NRXN1: variants seen among roughly 807,000 people sequenced by gnomAD.
The protein encoded by NRXN1 is neurexin-1.
NRXN1 carries 39 observed loss-of-function variants against 150.9 expected under a neutral mutation model. The ratio of observed to expected loss-of-function variants is 0.26; its 90% CI spans 0.20 to 0.34. The LOEUF (loss-of-function observed/expected upper bound fraction) is 0.34, where lower values mean the gene tolerates loss of function less well. Among genes scored for constraint, NRXN1 ranks in the 10% least tolerant of loss-of-function variants. The pLI, the probability that NRXN1 is intolerant of heterozygous loss-of-function variation, is 1.00. For synonymous variants in NRXN1, 924 were observed against 757.0 expected (o/e 1.22, Z -3.62); for missense variants, 1,815 against 1,949.9 (o/e 0.93, Z 1.30).
At chr2:50,217,290 T>C (rs1428329927) in intron 18 of NRXN1, among the ~76,000 whole-genome samples, 3 of 152,088 alleles carry the variant, frequency 2.0e-5, no homozygotes, top group Non-Finnish European at 4.4e-5. Flanking sequence ...AGACTTATTC[T>C]CAATCACATC....
chr2:50,143,411 G>A (rs1707548566), intron 18 of NRXN1, among the ~76,000 whole-genome samples: 1 of 151,934 alleles, frequency 6.6e-6, no homozygotes, highest in Non-Finnish European at 1.5e-5. Context: ...AATGGATCAT[G>A]CTATCGAGGG....
intron 5 of NRXN1, among the ~76,000 whole-genome samples, chr2:50,637,775 T>C: frequency 6.6e-6 from 1 of 152,120 alleles, no homozygotes; most frequent in East Asian, 1.9e-4. Flanking sequence ...GGGGACAAGA[T>C]TATAAAGCAG....
intron 19 of NRXN1, among the ~76,000 whole-genome samples, chr2:50,064,833 A>G (rs1573697097): frequency 6.6e-6 from 1 of 152,304 alleles, no homozygotes. Context: ...AAAGTCAGGT[A>G]GTAGAAGTTA....
chr2:50,008,989 C>A (rs867415430), intron 21 of NRXN1, among the ~76,000 whole-genome samples: 1 of 152,188 alleles, frequency 6.6e-6, no homozygotes, highest in East Asian at 1.9e-4. Flanking sequence ...TTCAAGGTAA[C>A]AAATCCTGAG....
At chr2:50,660,672 T>C (rs1687166370) in intron 5 of NRXN1, among the ~76,000 whole-genome samples, 1 of 152,032 alleles carries the variant, frequency 6.6e-6, no homozygotes, top group South Asian at 2.1e-4. Context: ...TTTACAGCAA[T>C]GTGAATGTCT....
At chr2:50,598,593 T>A (rs1280589485) in intron 8 of NRXN1, among the ~76,000 whole-genome samples, 2 of 148,630 alleles carry the variant, frequency 1.3e-5, no homozygotes, top group Admixed American at 6.8e-5. Context: ...TATATGTATA[T>A]ATGCGCGTGT....
At chr2:50,825,908 T>C (rs1670384894) in intron 5 of NRXN1, among the ~76,000 whole-genome samples, 1 of 152,226 alleles carries the variant, frequency 6.6e-6, no homozygotes, top group African/African-American at 2.4e-5. Context: ...AACTGCTGGC[T>C]TGATGTTTGG....
At chr2:50,666,787 G>A (rs1392770049) in intron 5 of NRXN1, among the ~76,000 whole-genome samples, 1 of 151,484 alleles carries the variant, frequency 6.6e-6, no homozygotes, top group East Asian at 1.9e-4. Context: ...CAGTATTCTG[G>A]GTCAAACCAG....
chr2:50,113,248 C>G (rs1702608612), intron 18 of NRXN1, among the ~76,000 whole-genome samples: 1 of 152,146 alleles, frequency 6.6e-6, no homozygotes, highest in Non-Finnish European at 1.5e-5. Flanking sequence ...TTAATTTCTT[C>G]CTCTCCTGAT....
chr2:50,684,760 T>C (rs1690968520), intron 5 of NRXN1, among the ~76,000 whole-genome samples: 1 of 152,180 alleles, frequency 6.6e-6, no homozygotes, highest in South Asian at 2.1e-4. Context: ...GTTTAGATTG[T>C]TAAGGTAAAA....
intron 5 of NRXN1, among the ~76,000 whole-genome samples, chr2:50,761,308 G>A (rs2105384739): frequency 6.6e-6 from 1 of 152,020 alleles, no homozygotes; most frequent in South Asian, 2.1e-4. Flanking sequence ...ATCCTCATGA[G>A]TGGTGGGAGG....
intron 17 of NRXN1, among the ~76,000 whole-genome samples, chr2:50,290,496 A>C (rs2072780316): frequency 6.6e-6 from 1 of 152,142 alleles, no homozygotes; most frequent in Non-Finnish European, 1.5e-5. Context: ...GTAATCATTA[A>C]ATTTGTGTGA....
Position 50,771,299 on chromosome 2 carries a change from A to G in NRXN1, c.833-147684T>C, listed in dbSNP as rs140538412. Among the ~76,000 whole-genome samples the G allele has an allele frequency of 2.6e-4, 40 of 152,246 alleles. 2 individuals are homozygous for G. Among genetic ancestry groups the G allele is most frequent in the African/African-American group, 9.1e-4 (38 of 41,576 alleles). On this transcript the variant is annotated intron_variant, in intron 5 of 22. Coordinates refer to ENST00000401669, the MANE Select transcript of NRXN1 (RefSeq NM_001330078.2). ...GATTATTCTCCCAAAACGCAAAATCATAACACTATTCAACTGCTTGAGAAC... is the reference window on the plus strand; with the variant it reads ...GATTATTCTCCCAAAACGCAAAATCGTAACACTATTCAACTGCTTGAGAAC...
intron 2 of NRXN1, among the ~76,000 whole-genome samples, chr2:51,024,948 G>C (rs1341604044): frequency 2.6e-5 from 4 of 152,060 alleles, no homozygotes; most frequent in Non-Finnish European, 5.9e-5. Context: ...TATTTCATCT[G>C]AATAGAAATC....
At chr2:50,179,478 A>T (rs941622806) in intron 18 of NRXN1, among the ~76,000 whole-genome samples, 3 of 152,116 alleles carry the variant, frequency 2.0e-5, no homozygotes, top group African/African-American at 4.8e-5. Flanking sequence ...AGCAAATTAG[A>T]CCCACTGAAC....
At position 50,236,915 on chromosome 2, in the gene NRXN1, A is replaced by T. The variant is rs771838558; in HGVS notation, c.3420T>A (p.Pro1140=). ...CTCGTGTACTGGGTCGGTCATTAGG[A>T]GGCCACTTATACGTGATTTGTCCAC... ...KGGGQITYKW[P]PNDRPSTRAD... Residue 1140 remains proline (P), a synonymous_variant, in exon 18 of 23, where the codon CCT becomes CCA. Transcript: ENST00000401669. 15 of 1,613,408 alleles carry T rather than the reference A, an allele frequency of 9.3e-6. No individual in the cohort carries two copies. Among genetic ancestry groups the T allele is most frequent in the Non-Finnish European group, 1.3e-5 (15 of 1,179,628 alleles).
rs1279733597 is a variant in NRXN1, at chr2:50,848,245, C to G, written c.832+73624G>C. On this transcript the variant is annotated intron_variant, in intron 5 of 22. Transcript: ENST00000401669. ...GCCAGCCACATCCCCATCGCACGCC[C>G]TGCGAGGGGGACAAGGGAATCTTTC... 4.7e-4 allele frequency among the ~76,000 whole-genome samples: 71 copies of G among 152,290 alleles called. 1 individual carries two copies. The highest frequency in any genetic ancestry group is 4.6e-3 in the Admixed American group (70 of 15,306).
At chr2:49,974,302 C>T (rs1415401925) in intron 21 of NRXN1, 1 of 525,300 alleles carries the variant, frequency 1.9e-6, no homozygotes, top group Non-Finnish European at 3.6e-6. Context: ...GCTGTTGGTA[C>T]ACAGCCCAGC....
chr2:51,017,292 T>G (rs1183766727), intron 2 of NRXN1, among the ~76,000 whole-genome samples: 1 of 151,360 alleles, frequency 6.6e-6, no homozygotes, highest in Non-Finnish European at 1.5e-5. Context: ...AATATGTGTA[T>G]AGGTTCCCTA....
Sources: gnomAD v4.1 joint callset for allele counts (sites outside exome capture counted in the v4.1 genomes callset) on GRCh38, gnomAD v4.1.1 for gene constraint, MANE v1.5 for transcripts, NCBI Gene and HGNC (gene_info 2026-07-23, HGNC 2026-07-21) for gene names.